Variants in MCU observed in about 807,000 individuals in gnomAD.
MCU encodes the protein mitochondrial calcium uniporter.
MCU carries 12 observed loss-of-function variants against 45.2 expected under a neutral mutation model. The ratio of observed to expected loss-of-function variants is 0.27; its 90% CI spans 0.17 to 0.43. MCU has a LOEUF of 0.43. Among genes scored for constraint, MCU ranks in the 20% least tolerant of loss-of-function variants. The pLI is 1.00. For missense variants in MCU, 324 were observed against 436.7 expected (o/e 0.74, Z 2.30); for synonymous variants, 160 against 165.1 (o/e 0.97, Z 0.24).
chr10:72,752,799 A>G (rs1022177958), intron 1 of MCU, among the ~76,000 whole-genome samples: 4 of 152,240 alleles, frequency 2.6e-5, no homozygotes, highest in African/African-American at 9.6e-5. Context: ...ATTTATGGTA[A>G]TAGAAGCTTT....
At chr10:72,819,216 C>T in intron 1 of MCU, among the ~76,000 whole-genome samples, 1 of 152,176 alleles carries the variant, frequency 6.6e-6, no homozygotes, top group Admixed American at 6.5e-5. Flanking sequence ...AGCCTTATGA[C>T]TTGCAGGCCA....
chr10:72,785,061 G>A (rs1289180988), intron 1 of MCU, among the ~76,000 whole-genome samples: 42 of 151,934 alleles, frequency 2.8e-4, no homozygotes, highest in Admixed American at 2.7e-3. Flanking sequence ...CCTTTTCCAG[G>A]GCTCTTCCTG....
chr10:72,785,242 A>G (rs1245345357), intron 1 of MCU, among the ~76,000 whole-genome samples: 1 of 152,138 alleles, frequency 6.6e-6, no homozygotes, highest in Non-Finnish European at 1.5e-5. Flanking sequence ...CTCTGCAACA[A>G]GGTTAGTGGT....
At chr10:72,779,631 T>C (rs185940240) in intron 1 of MCU, among the ~76,000 whole-genome samples, 2 of 152,152 alleles carry the variant, frequency 1.3e-5, no homozygotes, top group Non-Finnish European at 2.9e-5. Context: ...TGATTTGAAA[T>C]GACATTTCTA....
chr10:72,754,468 A>G (rs1281316932), intron 1 of MCU, among the ~76,000 whole-genome samples: 2 of 152,166 alleles, frequency 1.3e-5, no homozygotes, highest in African/African-American at 2.4e-5. Context: ...ATGACACTGG[A>G]GGCGGGGCAT....
intron 4 of MCU, among the ~76,000 whole-genome samples, chr10:72,865,860 T>C (rs2132877343): frequency 6.6e-6 from 1 of 151,344 alleles, no homozygotes; most frequent in South Asian, 2.1e-4. Context: ...CACTGCAAGC[T>C]CTGCCTCCTG....
intron 6 of MCU, among the ~76,000 whole-genome samples, chr10:72,881,974 C>T (rs910163518): frequency 1.3e-5 from 2 of 152,164 alleles, no homozygotes; most frequent in African/African-American, 2.4e-5. Context: ...GGACCCCAAA[C>T]GGAGGGACCG....
chr10:72,815,043 G>A lies in MCU; in HGVS notation c.151-19316G>A, dbSNP rs570063086. ...GCTTGAGGAAATTATATCAATTTAA[G>A]AAAATACAGATATAAAAATTATAGA... On this transcript the variant is annotated intron_variant, in intron 1 of 7. Coordinates refer to ENST00000373053, the MANE Select transcript of MCU (RefSeq NM_138357.3). 4.3e-3 allele frequency among the ~76,000 whole-genome samples: 651 copies of A among 152,278 alleles called. 4 individuals carry two copies. The highest frequency in any genetic ancestry group is 7.1e-3 in the Non-Finnish European group (481 of 68,010).
At chr10:72,884,849 T>C (rs1845755512) in intron 7 of MCU, among the ~76,000 whole-genome samples, 1 of 152,174 alleles carries the variant, frequency 6.6e-6, no homozygotes, top group Non-Finnish European at 1.5e-5. Flanking sequence ...AACTAGAAGA[T>C]GCTTGGAAAA....
chr10:72,783,642 G>A (rs1275908783), intron 1 of MCU, among the ~76,000 whole-genome samples: 1 of 152,182 alleles, frequency 6.6e-6, no homozygotes, highest in East Asian at 1.9e-4. Context: ...TTTTGTTGGG[G>A]GGAGCTGTTG....
chr10:72,831,945 CA>C (rs1844885205), intron 1 of MCU, among the ~76,000 whole-genome samples: 1 of 152,058 alleles, frequency 6.6e-6, no homozygotes. Context: ...ATTAGACTTT[CA>C]AAGGCCGTTA....
chr10:72,718,038 A>G (rs1055945289), intron 1 of MCU, among the ~76,000 whole-genome samples: 1 of 152,190 alleles, frequency 6.6e-6, no homozygotes, highest in Non-Finnish European at 1.5e-5. Context: ...ATTATTAACT[A>G]AAGTCCATAC....
At chr10:72,834,475 T>G (rs752733028) in intron 2 of MCU, 47 bp downstream of exon 2, 5 of 1,512,982 alleles carry the variant, frequency 3.3e-6, no homozygotes, top group Non-Finnish European at 3.7e-6. Flanking sequence ...TATTTCCTTC[T>G]TAGCTCAGTG....
chr10:72,820,455 TTGCTTTGAAAGAGAAACACAGG>T (rs1334944042), intron 1 of MCU, among the ~76,000 whole-genome samples: 2 of 152,178 alleles, frequency 1.3e-5, no homozygotes, highest in Non-Finnish European at 2.9e-5. Flanking sequence ...TGCTCCGACT[TTGCTTTGAAAGAGAAACACAGG>T]TGCCCTTCTG....
intron 1 of MCU, among the ~76,000 whole-genome samples, chr10:72,705,409 C>T (rs1256410731): frequency 1.3e-5 from 2 of 152,116 alleles, no homozygotes; most frequent in Non-Finnish European, 1.5e-5. Context: ...GGGTTGGGCG[C>T]TGTGGCTCAA....
chr10:72,782,860 G>C (rs909656899), intron 1 of MCU, among the ~76,000 whole-genome samples: 1 of 152,202 alleles, frequency 6.6e-6, no homozygotes, highest in Non-Finnish European at 1.5e-5. Flanking sequence ...TTCTAGTGCA[G>C]CTGTGTTACT....
At chr10:72,879,738 A>G (rs1224886821) in intron 6 of MCU, among the ~76,000 whole-genome samples, 1 of 152,230 alleles carries the variant, frequency 6.6e-6, no homozygotes, top group Non-Finnish European at 1.5e-5. Flanking sequence ...AATTTAAAAT[A>G]TAGAGAGAAT....
intron 1 of MCU, among the ~76,000 whole-genome samples, chr10:72,704,514 G>T (rs1413689181): frequency 6.6e-6 from 1 of 150,666 alleles, no homozygotes; most frequent in Non-Finnish European, 1.5e-5. Flanking sequence ...TTTAAAATTT[G>T]TGATTTTTTT....
intron 6 of MCU, among the ~76,000 whole-genome samples, chr10:72,874,081 A>C (rs1460693984): frequency 6.6e-6 from 1 of 152,080 alleles, no homozygotes; most frequent in East Asian, 1.9e-4. Flanking sequence ...CTGGCTGTTC[A>C]AGGTTTTTTC....
Sources: allele counts gnomAD v4.1 joint callset (sites outside exome capture counted in the v4.1 genomes callset), GRCh38; gene constraint gnomAD v4.1.1; transcripts MANE v1.5; gene names NCBI Gene and HGNC (gene_info 2026-07-23, HGNC 2026-07-21).